The following ZNF789 variants were observed in gnomAD, a reference collection of about 807,000 sequenced individuals.
ZNF789 encodes the protein zinc finger protein 789.
ZNF789 carries 11 observed loss-of-function variants against 15.6 expected under a neutral mutation model. The observed-to-expected ratio is 0.70, with a 90% confidence interval of 0.44 to 1.16. The LOEUF (loss-of-function observed/expected upper bound fraction) is 1.16, where lower values mean the gene tolerates loss of function less well. Ranked by LOEUF, ZNF789 falls within the 50% of genes most tolerant of loss-of-function variation. The probability of loss-of-function intolerance (pLI) is 0.00; values close to 1 mark genes in which losing one functional copy is unlikely to be tolerated. For synonymous variants in ZNF789, 159 were observed against 176.0 expected, an observed-to-expected ratio of 0.90 and a Z score of 0.76; for missense variants, 461 against 512.6, an observed-to-expected ratio of 0.90 and a Z score of 0.97.
At position 99,487,368 on chromosome 7, in the gene ZNF789, A is replaced by T. The variant is rs781383555; in HGVS notation, c.1158A>T (p.Arg386=). Residue 386 remains arginine, a synonymous_variant, in exon 5 of 5, where the codon CGA becomes CGT. Coordinates refer to ENST00000331410, the MANE Select transcript of ZNF789 (RefSeq NM_213603.3). The stretch of plus-strand genomic sequence containing the variant: ...TTAGTTTTAAGAGGAATCTTTTTCG[A>T]CATCAGGTCATTCACACTGGAAGCC... ...KTFSFKRNLF[R]HQVIHTGSQP... is the part of the protein sequence containing the mutation. The T allele has an allele frequency of 6.2e-7, 1 of 1,614,234 alleles. No homozygotes were observed.
rs1465184469 is a variant in ZNF789 at position 99,486,869 on chromosome 7, A to G, written c.659A>G (p.Gln220Arg). The change falls in exon 5 of 5, where the codon CAA becomes CGA. Residue 220 changes from glutamine to arginine, a missense_variant. Physicochemically the swap from Gln to Arg is conservative, Grantham distance 43. Transcript: ENST00000331410. ...IRRKAWFDQH[Q>R]RIHFLENPFE... ...CGTAAGGCATGGTTTGATCAACATCAAAGAATTCACTTTTTAGAGAATCCT... is the reference window on the plus strand; with the variant it reads ...CGTAAGGCATGGTTTGATCAACATCGAAGAATTCACTTTTTAGAGAATCCT... The G allele has an allele frequency of 1.2e-6, 2 of 1,614,126 alleles. No individual in the cohort carries two copies. Among genetic ancestry groups the G allele is most frequent in the East Asian group, 4.5e-5 (2 of 44,904 alleles).
chr7:99,473,722 G>A (rs1799147399), intron 1 of ZNF789, among the ~76,000 whole-genome samples: 1 of 152,222 alleles, frequency 6.6e-6, no homozygotes, highest in African/African-American at 2.4e-5. Context: ...CCGGGTTCAA[G>A]CGATTCTCCT....
chr7:99,480,043 A>G, intron 3 of ZNF789: 1 of 453,036 alleles, frequency 2.2e-6, no homozygotes. Context: ...ATAACAGTGT[A>G]GGCCAGGTGC....
At chr7:99,484,528 G>A (rs1372122389) in intron 4 of ZNF789, among the ~76,000 whole-genome samples, 1 of 152,230 alleles carries the variant, frequency 6.6e-6, no homozygotes, top group East Asian at 1.9e-4. Flanking sequence ...GCTGAGGCAG[G>A]AGAATCACCG....
intron 1 of ZNF789, among the ~76,000 whole-genome samples, chr7:99,475,219 C>G (rs184907561): frequency 6.6e-6 from 1 of 151,908 alleles, no homozygotes. Flanking sequence ...ATGGTGAAAC[C>G]CCATCTCAAC....
At chr7:99,485,108 C>G in intron 4 of ZNF789, 1 of 1,417,188 alleles carries the variant, frequency 7.1e-7, no homozygotes, top group Non-Finnish European at 9.5e-7. Flanking sequence ...CTTGTCCTCT[C>G]TCGGTGCTGC....
At chr7:99,473,185 T>C (rs867392712) in intron 1 of ZNF789, 129 bp downstream of exon 1, 40 of 152,062 alleles carry the variant, frequency 2.6e-4, no homozygotes, top group African/African-American at 8.9e-4. Context: ...GCACCAGCTT[T>C]TGAGTATTTT....
chr7:99,478,313 C>T, intron 2 of ZNF789: 1 of 1,289,624 alleles, frequency 7.8e-7, no homozygotes, highest in East Asian at 5.5e-5. Context: ...AGATTGAGGA[C>T]ATGGCAGCGC....
chr7:99,482,362 T>C (rs999062368), intron 3 of ZNF789: 13 of 678,600 alleles, frequency 1.9e-5, no homozygotes, highest in South Asian at 1.9e-4. Context: ...TGGGGAAGGC[T>C]GAATTAACTG....
In ZNF789 at chr7:99,487,536, A is replaced by T; in HGVS notation, c.*48A>T. ...GGAGAACTAGAACTTATAAACCTCTACTTCAAGTGTGTATCACGTAATTGT... is the reference window on the plus strand; with the variant it reads ...GGAGAACTAGAACTTATAAACCTCTTCTTCAAGTGTGTATCACGTAATTGT... On this transcript the variant is annotated 3_prime_UTR_variant, in exon 5 of 5. Coordinates refer to ENST00000331410, the MANE Select transcript of ZNF789 (RefSeq NM_213603.3). 6.5e-7 allele frequency: 1 copy of T among 1,550,252 alleles called. No homozygotes were observed. Among genetic ancestry groups the T allele is most frequent in the Non-Finnish European group, 8.7e-7 (1 of 1,148,512 alleles).
At chr7:99,486,018 A>G (rs564860235) in intron 4 of ZNF789, among the ~76,000 whole-genome samples, 17 of 152,236 alleles carry the variant, frequency 1.1e-4, no homozygotes, top group South Asian at 4.1e-4. Flanking sequence ...GAAGAGTCCA[A>G]TGAAATTCAG....
In ZNF789 at chr7:99,487,125, G is replaced by A; in HGVS notation, c.915G>A (p.Val305=). 6.2e-7 allele frequency: 1 copy of A among 1,614,144 alleles called. No individual in the cohort carries two copies. The highest frequency in any genetic ancestry group is 8.5e-7 in the Non-Finnish European group (1 of 1,180,018). ...SQNSTLIRHQ[V]IHSGEKRHKC... is the part of the protein sequence containing the mutation. Reference sequence around the variant, plus strand: ...ATTCAACCCTTATTCGACATCAGGTGATCCATAGTGGAGAAAAACGCCATA... The same window carrying A: ...ATTCAACCCTTATTCGACATCAGGTAATCCATAGTGGAGAAAAACGCCATA... Residue 305 remains valine (V), a synonymous_variant, in exon 5 of 5, where the codon GTG becomes GTA. Transcript: ENST00000331410.
Position 99,486,711 on chromosome 7 carries a change from A to G in ZNF789, c.501A>G (p.Gln167=). The change falls in exon 5 of 5, where the codon CAA becomes CAG. Residue 167 remains glutamine (Q), a synonymous_variant. Coordinates refer to ENST00000331410, the MANE Select transcript of ZNF789 (RefSeq NM_213603.3). ...ACCTTATTCAAGATCAGAATGCGCAAACAAGGTGGAAGCAGGGCAGATATG... is the reference window on the plus strand; with the variant it reads ...ACCTTATTCAAGATCAGAATGCGCAGACAAGGTGGAAGCAGGGCAGATATG... The part of the protein sequence containing the change: ...NLNLIQDQNA[Q]TRWKQGRYDE... 1 of 1,614,236 alleles carries G rather than the reference A, an allele frequency of 6.2e-7. No homozygotes were observed. Among genetic ancestry groups the G allele is most frequent in the Non-Finnish European group, 8.5e-7 (1 of 1,180,050 alleles).
chr7:99,479,030 C>A (rs984052874), intron 2 of ZNF789: 7 of 152,828 alleles, frequency 4.6e-5, no homozygotes, highest in South Asian at 2.1e-4. Flanking sequence ...TCCAGCAGCC[C>A]TCCCCACCTT....
intron 3 of ZNF789, chr7:99,481,497 G>C (rs573064465): frequency 6.6e-6 from 1 of 151,674 alleles, no homozygotes; most frequent in African/African-American, 2.4e-5. Flanking sequence ...CGCTCTTGTT[G>C]CCCAGGCAGG....
chr7:99,487,131 T>A lies in ZNF789; in HGVS notation c.921T>A (p.His307Gln). Residue 307 changes from histidine (H) to glutamine (Q), a missense_variant, in exon 5 of 5, where the codon CAT becomes CAA. His to Gln is a conservative substitution (Grantham distance 24). Transcript: ENST00000331410. ...NSTLIRHQVI[H>Q]SGEKRHKCLE... ...CCCTTATTCGACATCAGGTGATCCA[T>A]AGTGGAGAAAAACGCCATAAATGCC... 6.2e-7 allele frequency: 1 copy of A among 1,614,176 alleles called. No individual in the cohort carries two copies. Among genetic ancestry groups the A allele is most frequent in the Non-Finnish European group, 8.5e-7 (1 of 1,180,032 alleles).
chr7:99,476,218 T>C (rs1233538558), intron 1 of ZNF789, 185 bp from the exon 2 acceptor site: 1 of 519,504 alleles, frequency 1.9e-6, no homozygotes, highest in African/African-American at 2.0e-5. Flanking sequence ...GGATGGAGCT[T>C]GGGAAATTGA....
At chr7:99,483,485 C>T (rs188211286) in intron 3 of ZNF789, among the ~76,000 whole-genome samples, 5 of 152,058 alleles carry the variant, frequency 3.3e-5, no homozygotes, top group African/African-American at 1.2e-4. Context: ...CAAAACTTAG[C>T]AAAGCGTGGG....
chr7:99,479,307 C>T (rs142647457), intron 2 of ZNF789: 80 of 185,462 alleles, frequency 4.3e-4, no homozygotes, highest in South Asian at 1.1e-3. Flanking sequence ...TACTTGTCCA[C>T]GGCTGCTTTT....
Sources: allele counts gnomAD v4.1 joint callset (sites outside exome capture counted in the v4.1 genomes callset), GRCh38; gene constraint gnomAD v4.1.1; transcripts MANE v1.5; gene names NCBI Gene and HGNC (gene_info 2026-07-23, HGNC 2026-07-21).